DNAH6: variants seen among roughly 807,000 people sequenced by gnomAD.
DNAH6 encodes the protein dynein axonemal heavy chain 6.
Under a neutral mutation model 491.4 loss-of-function variants are expected in DNAH6, and 340 were observed. The observed-to-expected ratio is 0.69, with a 90% CI of 0.63 to 0.76. The LOEUF (loss-of-function observed/expected upper bound fraction) is 0.76. DNAH6 is among the 30% of genes least tolerant of loss of function. The pLI is 0.00. For missense variants in DNAH6, 4,443 were observed against 4,972.2 expected (o/e 0.89, Z 3.20); for synonymous variants, 1,603 against 1,686.1 (o/e 0.95, Z 1.21).
chr2:84,483,982 A>G, the DNAH6 span, among the ~76,000 whole-genome samples: 3 of 152,194 alleles, frequency 2.0e-5, no homozygotes, highest in Non-Finnish European at 4.4e-5. Flanking sequence ...CAGCTGAACA[A>G]TAATGGAAAT....
intron 38 of DNAH6, 104 bp from the exon 39 acceptor site, chr2:84,670,224 C>A (rs1047624458): frequency 2.6e-6 from 2 of 757,020 alleles, no homozygotes; most frequent in Admixed American, 3.4e-5. Context: ...TGGCTTTAAC[C>A]TCTCTCTTTT....
At chr2:84,609,117 C>T (rs1306882293) in intron 21 of DNAH6, among the ~76,000 whole-genome samples, 17 of 152,160 alleles carry the variant, frequency 1.1e-4, no homozygotes, top group Admixed American at 9.2e-4. Flanking sequence ...AGGGTCTTGC[C>T]TCAGACTAGG....
In DNAH6 at chr2:84,544,364, G is replaced by A. The variant is rs997112686; in HGVS notation, c.794G>A (p.Arg265Lys). The change falls in exon 5 of 77, where the codon AGA becomes AAA. Residue 265 changes from arginine to lysine, a missense_variant. Arg to Lys is a conservative substitution (Grantham distance 26). Transcript: ENST00000389394. Reference protein sequence around the residue: ...DRWEQEYLYHRELTKIPIFSL... With the variant: ...DRWEQEYLYHKELTKIPIFSL... ...TGGGAACAGGAATATCTGTATCACA[G>A]AGAACTCACTAAGATTCCCATATTT... 5 of 1,546,124 alleles carry A rather than the reference G, an allele frequency of 3.2e-6. 1 individual carries two copies. The highest frequency in any genetic ancestry group is 2.7e-5 in the African/African-American group (2 of 72,930).
At chr2:84,768,748 A>G (rs1675331573) in intron 64 of DNAH6, among the ~76,000 whole-genome samples, 1 of 152,238 alleles carries the variant, frequency 6.6e-6, no homozygotes. Context: ...TAAAGATATC[A>G]GTTCTCCTCA....
chr2:84,719,158 C>T (rs1435850171), intron 59 of DNAH6, among the ~76,000 whole-genome samples: 4 of 152,164 alleles, frequency 2.6e-5, no homozygotes, highest in Non-Finnish European at 5.9e-5. Context: ...AACTGGTTGA[C>T]TGCTTTATAT....
At chr2:84,648,447 T>A (rs1690105562) in intron 33 of DNAH6, among the ~76,000 whole-genome samples, 1 of 152,240 alleles carries the variant, frequency 6.6e-6, no homozygotes, top group Admixed American at 6.5e-5. Flanking sequence ...TTTAAAAACC[T>A]TCTGAAAAGG....
At chr2:84,678,620 C>T (rs7564154) in intron 41 of DNAH6, among the ~76,000 whole-genome samples, 118,737 of 152,038 alleles carry the variant, frequency 0.78, 46,458 homozygotes, top group East Asian at 0.92. Context: ...TACAGTGAAG[C>T]CTGGGCCACT....
intron 29 of DNAH6, among the ~76,000 whole-genome samples, chr2:84,631,993 C>A (rs1437035200): frequency 6.6e-6 from 1 of 152,150 alleles, no homozygotes; most frequent in Admixed American, 6.5e-5. Context: ...GTGTGGTCTC[C>A]CTTGTTGGAA....
the DNAH6 span, among the ~76,000 whole-genome samples, chr2:84,474,027 G>C: frequency 6.6e-6 from 1 of 152,074 alleles, no homozygotes; most frequent in Non-Finnish European, 1.5e-5. Flanking sequence ...CTATTTGCTG[G>C]TTCTTTATTA....
rs141672469 is a variant in DNAH6, at chr2:84,725,175, A to G, written c.9972+2371A>G. On this transcript the variant is annotated intron_variant, in intron 60 of 76. Transcript: ENST00000389394. ...AGAGTCTGTTTTGATCTCTGCATAT[A>G]ACATTCCAACAATTCTTATTGAACT... is the stretch of plus-strand genomic sequence containing the variant. 3.6e-3 allele frequency among the ~76,000 whole-genome samples: 551 copies of G among 152,354 alleles called. 3 individuals carry two copies. Among genetic ancestry groups the G allele is most frequent in the African/African-American group, 0.012 (510 of 41,572 alleles).
chr2:84,580,073 C>G (rs1242068435), intron 14 of DNAH6, among the ~76,000 whole-genome samples: 1 of 152,032 alleles, frequency 6.6e-6, no homozygotes, highest in African/African-American at 2.4e-5. Flanking sequence ...ATGTTCTCAG[C>G]CATAGGTTAT....
intron 58 of DNAH6, among the ~76,000 whole-genome samples, chr2:84,717,873 A>T (rs184596482): frequency 1.1e-3 from 167 of 152,356 alleles, no homozygotes; most frequent in Non-Finnish European, 1.6e-3. Context: ...TCATCTTGGC[A>T]CAAGCAAGCG....
At chr2:84,766,426 A>G (rs990119430) in intron 64 of DNAH6, among the ~76,000 whole-genome samples, 1 of 152,194 alleles carries the variant, frequency 6.6e-6, no homozygotes, top group African/African-American at 2.4e-5. Context: ...CTGCACATCC[A>G]TGTGTTAAAG....
the DNAH6 span, among the ~76,000 whole-genome samples, chr2:84,490,189 C>G: frequency 6.6e-6 from 1 of 151,852 alleles, no homozygotes; most frequent in Admixed American, 6.6e-5. Context: ...CTTTAGTGTT[C>G]TACTTTCATG....
chr2:84,560,605 C>T (rs1287328742), intron 11 of DNAH6, among the ~76,000 whole-genome samples: 1 of 151,400 alleles, frequency 6.6e-6, no homozygotes, highest in East Asian at 1.9e-4. Context: ...GCTATCCCTC[C>T]CCGCTTCCCC....
intron 68 of DNAH6, among the ~76,000 whole-genome samples, chr2:84,794,938 A>G (rs1251271011): frequency 6.6e-6 from 1 of 151,634 alleles, no homozygotes; most frequent in Non-Finnish European, 1.5e-5. Context: ...CAAATGTCCA[A>G]CAATGATACA....
intron 75 of DNAH6, among the ~76,000 whole-genome samples, chr2:84,814,688 T>A (rs921605524): frequency 1.1e-4 from 16 of 152,322 alleles, no homozygotes; most frequent in East Asian, 1.9e-4. Context: ...AGGCTGATTC[T>A]GACAGACAGA....
At chr2:84,644,966 A>G (rs978810055) in intron 33 of DNAH6, among the ~76,000 whole-genome samples, 2 of 152,168 alleles carry the variant, frequency 1.3e-5, no homozygotes, top group African/African-American at 4.8e-5. Flanking sequence ...CAGTAATGGG[A>G]TTGCTGGGTC....
intron 58 of DNAH6, among the ~76,000 whole-genome samples, chr2:84,716,976 T>A (rs1697595838): frequency 6.6e-6 from 1 of 152,198 alleles, no homozygotes. Flanking sequence ...GCTCAATTTC[T>A]CATTGCAATT....
Sources: allele counts gnomAD v4.1 joint callset (sites outside exome capture counted in the v4.1 genomes callset), GRCh38; gene constraint gnomAD v4.1.1; transcripts MANE v1.5; gene names NCBI Gene and HGNC (gene_info 2026-07-23, HGNC 2026-07-21).